The following CHD8 variants were observed in gnomAD, a reference collection of about 807,000 sequenced individuals.
The protein encoded by CHD8 is ATP-dependent chromatin remodeler CHD8.
In CHD8, 31 loss-of-function variants were observed where a neutral mutation model predicts 279.2. The observed-to-expected ratio is 0.11, with a 90% CI of 0.08 to 0.15. CHD8 has a LOEUF of 0.15. Ranked by LOEUF, CHD8 falls within the 10% of genes least tolerant of loss-of-function variation. CHD8 has a pLI of 1.00. For synonymous variants in CHD8, 1,081 were observed against 1,139.6 expected (o/e 0.95, Z 1.04); for missense variants, 2,146 against 3,230.5 (o/e 0.66, Z 8.14).
At position 21,385,910 on chromosome 14, in the gene CHD8, G is replaced by T; in HGVS notation, c.7449C>A (p.Ser2483=). The change falls in exon 38 of 38, where the codon TCC becomes TCA. Residue 2483 remains serine, a synonymous_variant. Coordinates refer to ENST00000646647, the MANE Select transcript of CHD8 (RefSeq NM_001170629.2). ...GCATGGTGCTGGAGTCTACATGAGG[G>T]GATGATGGTGCACCACCCATCACAA... The part of the protein sequence containing the change: ...MPFVMGGAPS[S]PHVDSSTMLH... The T allele has an allele frequency of 1.3e-6, 2 of 1,552,344 alleles. No homozygotes were observed. Among genetic ancestry groups the T allele is most frequent in the Non-Finnish European group, 1.7e-6 (2 of 1,147,408 alleles).
At position 21,431,874 on chromosome 14, in the gene CHD8, A is replaced by G; in HGVS notation, c.-215-16T>C. On this transcript the variant is annotated splice_polypyrimidine_tract_variant and intron_variant, in intron 1 of 37. Coordinates refer to ENST00000646647, the MANE Select transcript of CHD8 (RefSeq NM_001170629.2). Reference sequence around the variant, plus strand: ...GGTGGAACTCCTGTTGTAGGAATACAAATACAAATGAAAAATAGGCAAAGT... The same window carrying G: ...GGTGGAACTCCTGTTGTAGGAATACGAATACAAATGAAAAATAGGCAAAGT... 1 of 1,581,140 alleles carries G rather than the reference A, an allele frequency of 6.3e-7. No homozygotes were observed. The highest frequency in any genetic ancestry group is 8.7e-7 in the Non-Finnish European group (1 of 1,149,956).
chr14:21,394,163 T>C lies in CHD8; in HGVS notation c.5632A>G (p.Ile1878Val), dbSNP rs772751525. ...GTCCGTGAGGCTCTCTCCTCAGTGATGGGCTCAATGAACAGGTTAGGGTCG... is the reference window on the plus strand; with the variant it reads ...GTCCGTGAGGCTCTCTCCTCAGTGACGGGCTCAATGAACAGGTTAGGGTCG... ...PPDPNLFIEP[I>V]TEERASRTLY... is the part of the protein sequence containing the mutation. Residue 1878 changes from isoleucine (I) to valine (V), a missense_variant, in exon 32 of 38, where the codon ATC (isoleucine) becomes GTC (valine). Ile to Val is a conservative substitution (Grantham distance 29, BLOSUM62 3). Transcript: ENST00000646647. 2 of 1,607,552 alleles carry C rather than the reference T, an allele frequency of 1.2e-6. No homozygotes were observed. The highest frequency in any genetic ancestry group is 3.3e-5 in the Admixed American group (2 of 59,708).
intron 1 of CHD8, among the ~76,000 whole-genome samples, chr14:21,438,827 T>TA (rs1339755558): frequency 2.5e-4 from 35 of 142,456 alleles, no homozygotes; most frequent in East Asian, 1.5e-3. Flanking sequence ...GACTCTGTCT[T>TA]AAAAAAAAAG....
chr14:21,385,539 C>A lies in CHD8; in HGVS notation c.*74G>T, dbSNP rs1393449879. 4 of 1,468,948 alleles carry A rather than the reference C, an allele frequency of 2.7e-6. No homozygotes were observed. Among genetic ancestry groups the A allele is most frequent in the Non-Finnish European group, 3.6e-6 (4 of 1,110,990 alleles). 91.0% of individuals were successfully genotyped at this position (1,468,948 alleles called of 1,614,324 possible). ...CCCCACATCTCCCCTGCCCCTCCCA[C>A]GTTTCCATAGTCCAAGGGCCAGAGT... On this transcript the variant is annotated 3_prime_UTR_variant, in exon 38 of 38. Coordinates refer to ENST00000646647, the MANE Select transcript of CHD8 (RefSeq NM_001170629.2).
chr14:21,422,495 CAAAT>C (rs1032186360), intron 5 of CHD8, among the ~76,000 whole-genome samples: 3 of 152,046 alleles, frequency 2.0e-5, no homozygotes, highest in Non-Finnish European at 2.9e-5. Flanking sequence ...TTTTGTTTAA[CAAAT>C]ACTTTATTAC....
At chr14:21,388,014 G>C (rs923218280) in intron 37 of CHD8, among the ~76,000 whole-genome samples, 3 of 152,136 alleles carry the variant, frequency 2.0e-5, no homozygotes, top group Non-Finnish European at 4.4e-5. Context: ...TAGCCTTCTA[G>C]CCACCAGCCT....
intron 2 of CHD8, 184 bp downstream of exon 2, chr14:21,430,617 A>G: frequency 1.7e-6 from 1 of 576,020 alleles, no homozygotes; most frequent in Non-Finnish European, 3.1e-6. Context: ...CTCAAAAAAT[A>G]TGTTAACATT....
intron 28 of CHD8, 76 bp from the exon 29 acceptor site, chr14:21,395,428 C>A: frequency 2.0e-6 from 2 of 979,844 alleles, no homozygotes; most frequent in Non-Finnish European, 3.2e-6. Flanking sequence ...AAATCACTTT[C>A]TTGTGTGTGT....
Position 21,409,996 on chromosome 14 carries a change from A to G in CHD8, c.2227-8T>C. ...CAGGTAGTAAATAACGGGCTAGGAG[A>G]GAAGAAACCAAAGCCTTAAGAAACT... On this transcript the variant is annotated splice_region_variant and splice_polypyrimidine_tract_variant and intron_variant, in intron 10 of 37. Coordinates refer to ENST00000646647, the MANE Select transcript of CHD8 (RefSeq NM_001170629.2). The G allele has an allele frequency of 1.3e-6, 2 of 1,598,408 alleles. No homozygotes were observed. The highest frequency in any genetic ancestry group is 1.7e-6 in the Non-Finnish European group (2 of 1,172,802).
chr14:21,408,216 T>C lies in CHD8; in HGVS notation c.2730+96A>G. ...TTTTGCATAGGCATATTGAAGACTTTCAATAAAAGTCTTCTATTCATATAT... is the reference window on the plus strand; with the variant it reads ...TTTTGCATAGGCATATTGAAGACTTCCAATAAAAGTCTTCTATTCATATAT... On this transcript the variant is annotated intron_variant, in intron 13 of 37. Coordinates refer to ENST00000646647, the MANE Select transcript of CHD8 (RefSeq NM_001170629.2). This position sits in a 1 kb window ranked among gnomAD's most constrained non-coding sequence, Gnocchi z 4.3. 1 of 1,439,176 alleles carries C rather than the reference T, an allele frequency of 6.9e-7. No individual in the cohort carries two copies. 89.2% of individuals were successfully genotyped at this position (1,439,176 alleles called of 1,614,324 possible).
Position 21,408,945 on chromosome 14 carries a change from A to G in CHD8, c.2365-120T>C, listed in dbSNP as rs1314426525. ...AACATTGTTTGGATTAAAACATGTCAAATATATTTAAATTTATGAGTTCAT... is the reference window on the plus strand; with the variant it reads ...AACATTGTTTGGATTAAAACATGTCGAATATATTTAAATTTATGAGTTCAT... On this transcript the variant is annotated intron_variant, in intron 11 of 37. Transcript: ENST00000646647. This position sits in a 1 kb window ranked among gnomAD's most constrained non-coding sequence, Gnocchi z 4.3. 2 of 1,018,686 alleles carry G rather than the reference A, an allele frequency of 2.0e-6. No homozygotes were observed. The highest frequency in any genetic ancestry group is 3.3e-5 in the African/African-American group (2 of 61,412). 63.1% of individuals were successfully genotyped at this position (1,018,686 alleles called of 1,614,324 possible).
In CHD8 at chr14:21,385,507, T is replaced by A; in HGVS notation, c.*106A>T. 3 of 1,419,010 alleles carry A rather than the reference T, an allele frequency of 2.1e-6. No homozygotes were observed. The highest frequency in any genetic ancestry group is 2.8e-6 in the Non-Finnish European group (3 of 1,086,368). 87.9% of individuals were successfully genotyped at this position (1,419,010 alleles called of 1,614,324 possible). A position where few individuals can be genotyped will look rare whatever the true frequency, so the allele number is the denominator to read the frequency against. The stretch of plus-strand genomic sequence containing the variant: ...TTTTCCTTTTCACCTCCTGGAGTCC[T>A]GGACTTCCCCACATCTCCCCTGCCC... On this transcript the variant is annotated 3_prime_UTR_variant, in exon 38 of 38. Transcript: ENST00000646647.
chr14:21,421,356 CTTCA>C (rs1889036717), intron 5 of CHD8, among the ~76,000 whole-genome samples: 1 of 151,538 alleles, frequency 6.6e-6, no homozygotes. Flanking sequence ...TTCCAACCTA[CTTCA>C]TTGTTTTTAA....
At position 21,394,136 on chromosome 14, in the gene CHD8, G is replaced by A. The variant is rs369825360; in HGVS notation, c.5659C>T (p.Leu1887Phe). Residue 1887 changes from leucine (L) to phenylalanine (F), a missense_variant, in exon 32 of 38, where the codon CTC (leucine) becomes TTC (phenylalanine). By Grantham distance (22) the Leu-to-Phe change is conservative. Transcript: ENST00000646647. ...CGCCGAAGCAATTCTATACGGTAGA[G>A]AGTCCGTGAGGCTCTCTCCTCAGTG... is the stretch of plus-strand genomic sequence containing the variant. ...PITEERASRTLYRIELLRRLR... is the reference protein window; with the variant it reads ...PITEERASRTFYRIELLRRLR... 3 of 1,611,416 alleles carry A rather than the reference G, an allele frequency of 1.9e-6. No individual in the cohort carries two copies. Among genetic ancestry groups the A allele is most frequent in the Admixed American group, 3.3e-5 (2 of 59,866 alleles).
At chr14:21,451,215 C>G (rs1246227852) in intron 1 of CHD8, among the ~76,000 whole-genome samples, 2 of 152,002 alleles carry the variant, frequency 1.3e-5, no homozygotes, top group African/African-American at 4.8e-5. Context: ...GTCTAAGATC[C>G]CTACACTGCT....
intron 26 of CHD8, 44 bp from the exon 27 acceptor site, chr14:21,397,996 T>G: frequency 6.4e-7 from 1 of 1,553,224 alleles, no homozygotes; most frequent in Admixed American, 1.9e-5. Flanking sequence ...AGATTTGTTT[T>G]GCCTTTATGC....
rs1297654386 is a variant in CHD8 at position 21,414,356 on chromosome 14, T to A, written c.2087A>T (p.Gln696Leu). The change falls in exon 9 of 38, where the codon CAA becomes CTA. Residue 696 changes from glutamine to leucine, a missense_variant. Transcript: ENST00000646647. Reference protein sequence around the residue: ...SQLEKDKRIHQKLKRFKTKMA... With the variant: ...SQLEKDKRIHLKLKRFKTKMA... The stretch of plus-strand genomic sequence containing the variant: ...TTTGGTTTTGAAGCGCTTTAATTTT[T>A]GATGTATCCTCTTATCCTTCTCTAG... 16 of 1,577,970 alleles carry A rather than the reference T, an allele frequency of 1.0e-5. No individual in the cohort carries two copies. The highest frequency in any genetic ancestry group is 1.4e-5 in the Non-Finnish European group (16 of 1,159,498).
chr14:21,399,733 A>C, intron 25 of CHD8, 28 bp from the exon 26 acceptor site: 1 of 1,437,416 alleles, frequency 7.0e-7, no homozygotes, highest in Non-Finnish European at 9.8e-7. Flanking sequence ...CAGAGTCAGC[A>C]CAGAAATGCA....
intron 1 of CHD8, among the ~76,000 whole-genome samples, chr14:21,443,732 T>C (rs1264172398): frequency 6.6e-6 from 1 of 151,408 alleles, no homozygotes; most frequent in Non-Finnish European, 1.5e-5. Flanking sequence ...GGTGGGCGCC[T>C]GTATTCCCAG....
Sources: gnomAD v4.1 joint callset for allele counts (sites outside exome capture counted in the v4.1 genomes callset) on GRCh38, gnomAD v4.1.1 for gene constraint, Gnocchi (gnomAD v3.1) non-coding constraint, MANE v1.5 for transcripts, NCBI Gene and HGNC (gene_info 2026-07-23, HGNC 2026-07-21) for gene names.